Variants in OR6B3 observed in about 807,000 individuals in gnomAD.
OR6B3 encodes olfactory receptor family 6 subfamily B member 3.
For missense variants in OR6B3, 315 were observed against 427.4 expected (o/e 0.74, Z 2.32); for synonymous variants, 148 against 187.8 (o/e 0.79, Z 1.73).
chr2:240,048,214 T>A (rs983202704), upstream of OR6B3, among the ~76,000 whole-genome samples: 3 of 152,212 alleles, frequency 2.0e-5, no homozygotes, highest in African/African-American at 7.2e-5. Flanking sequence ...TTCTTTCAAG[T>A]ACACCGATTA....
chr2:240,049,877 C>A (rs1202962894), upstream of OR6B3, among the ~76,000 whole-genome samples: 2 of 152,066 alleles, frequency 1.3e-5, no homozygotes, highest in Non-Finnish European at 2.9e-5. Flanking sequence ...GTGTGTTTTG[C>A]CTCATTTTCA....
upstream of OR6B3, among the ~76,000 whole-genome samples, chr2:240,051,622 T>C (rs1479664089): frequency 6.6e-6 from 1 of 152,238 alleles, no homozygotes; most frequent in Admixed American, 6.5e-5. Context: ...TATTTTTTTC[T>C]TTTTTACTAT....
the OR6B3 span, among the ~76,000 whole-genome samples, chr2:240,053,190 TGTATATTGG>T: frequency 6.6e-6 from 1 of 152,208 alleles, no homozygotes; most frequent in African/African-American, 2.4e-5. The surrounding 1 kb of genome is among the most constrained non-coding windows in gnomAD (Gnocchi z 4.1). Context: ...CTCACACGCC[TGTATATTGG>T]GTATATTGGG....
At chr2:240,047,217 G>C (rs1419041371), upstream of OR6B3, among the ~76,000 whole-genome samples, 1 of 152,118 alleles carries the variant, frequency 6.6e-6, no homozygotes, top group African/African-American at 2.4e-5. Context: ...AGGGATATAG[G>C]GCATAGGTTG....
chr2:240,045,085 G>A, exon 2 of OR6B3: 1 of 1,586,678 alleles, frequency 6.3e-7, no homozygotes, highest in Non-Finnish European at 8.6e-7. Flanking sequence ...CCTCAGAGAG[G>A]CTGGCTGTGT....
upstream of OR6B3, among the ~76,000 whole-genome samples, chr2:240,051,434 A>G (rs550582086): frequency 6.6e-6 from 1 of 152,302 alleles, no homozygotes; most frequent in East Asian, 1.9e-4. Context: ...TTCAGAGAAA[A>G]CCGACAGGCC....
upstream of OR6B3, among the ~76,000 whole-genome samples, chr2:240,048,061 T>G (rs1376857510): frequency 6.6e-6 from 1 of 152,204 alleles, no homozygotes; most frequent in Non-Finnish European, 1.5e-5. Flanking sequence ...GTAATATGAA[T>G]TCAACAGATC....
At chr2:240,044,799 A>G (rs968402917), downstream of OR6B3, among the ~76,000 whole-genome samples, 1 of 152,220 alleles carries the variant, frequency 6.6e-6, no homozygotes, top group Non-Finnish European at 1.5e-5. Context: ...ACACACCGCA[A>G]TTTATTGGGG....
upstream of OR6B3, among the ~76,000 whole-genome samples, chr2:240,051,409 T>A (rs1698254347): frequency 6.6e-6 from 1 of 152,204 alleles, no homozygotes; most frequent in African/African-American, 2.4e-5. Context: ...AACAGCATCA[T>A]GATGTTAAAA....
upstream of OR6B3, among the ~76,000 whole-genome samples, chr2:240,047,624 A>G (rs1698210880): frequency 6.6e-6 from 1 of 152,226 alleles, no homozygotes; most frequent in African/African-American, 2.4e-5. Flanking sequence ...ACGTGAGTAT[A>G]TTATTTATTC....
At chr2:240,051,694 C>T (rs1169031823), upstream of OR6B3, among the ~76,000 whole-genome samples, 4 of 152,174 alleles carry the variant, frequency 2.6e-5, no homozygotes, top group Non-Finnish European at 5.9e-5. Flanking sequence ...AAAGAGCTCA[C>T]GTGGCACTAG....
At chr2:240,048,752 C>T (rs1698223308), upstream of OR6B3, among the ~76,000 whole-genome samples, 1 of 152,208 alleles carries the variant, frequency 6.6e-6, no homozygotes, top group East Asian at 1.9e-4. Context: ...TTTTCACCAC[C>T]ACAACCACCT....
At chr2:240,046,182 T>C (rs1391493841) in intron 1 of OR6B3, 85 bp from the exon 3 acceptor site, 23 of 1,007,486 alleles carry the variant, frequency 2.3e-5, no homozygotes, top group African/African-American at 3.3e-5. Context: ...ATAGGGAGTT[T>C]TGGTGTAAAG....
downstream of OR6B3, chr2:240,044,953 C>T: frequency 1.2e-6 from 1 of 830,784 alleles, no homozygotes; most frequent in Non-Finnish European, 1.9e-6. Flanking sequence ...TATTACAACA[C>T]CAACAACAAT....
At chr2:240,048,234 T>C (rs1044233047), upstream of OR6B3, among the ~76,000 whole-genome samples, 6 of 152,122 alleles carry the variant, frequency 3.9e-5, no homozygotes, top group African/African-American at 1.4e-4. Flanking sequence ...AAACACAAAA[T>C]GAGTTTAAAC....
chr2:240,050,531 G>A (rs1196328328), upstream of OR6B3, among the ~76,000 whole-genome samples: 5 of 152,014 alleles, frequency 3.3e-5, no homozygotes, highest in Non-Finnish European at 5.9e-5. Flanking sequence ...CCTGGCCAAC[G>A]TGGCGAAACC....
the OR6B3 span, among the ~76,000 whole-genome samples, chr2:240,053,443 G>A: frequency 9.2e-5 from 14 of 152,200 alleles, no homozygotes; most frequent in Middle Eastern, 3.4e-3. The surrounding 1 kb of genome is among the most constrained non-coding windows in gnomAD (Gnocchi z 4.1). Flanking sequence ...CACCTGCCCC[G>A]TCTGCCCACT....
chr2:240,052,957 G>C, the OR6B3 span, among the ~76,000 whole-genome samples: 1 of 152,046 alleles, frequency 6.6e-6, no homozygotes, highest in Admixed American at 6.5e-5. The surrounding 1 kb of genome is among the most constrained non-coding windows in gnomAD (Gnocchi z 4.5). Context: ...GATTACAGGT[G>C]CCCAGCTCAT....
chr2:240,046,351 C>T (rs1248528602), intron 1 of OR6B3, among the ~76,000 whole-genome samples: 1 of 152,174 alleles, frequency 6.6e-6, no homozygotes, highest in Non-Finnish European at 1.5e-5. Context: ...CAGTCTCCCT[C>T]ATCTCTCAAA....
Sources: gnomAD v4.1 joint callset for allele counts (sites outside exome capture counted in the v4.1 genomes callset) on GRCh38, gnomAD v4.1.1 for gene constraint, Gnocchi (gnomAD v3.1) non-coding constraint, MANE v1.5 for transcripts, NCBI Gene and HGNC (gene_info 2026-07-23, HGNC 2026-07-21) for gene names.